The following PLCB1 variants were observed in gnomAD, a reference collection of about 807,000 sequenced individuals.
PLCB1 encodes 1-phosphatidylinositol 4,5-bisphosphate phosphodiesterase beta-1.
In PLCB1, 46 loss-of-function variants were observed where a neutral mutation model predicts 161.8. That is an observed-to-expected ratio of 0.28 (90% CI 0.22 to 0.36). The LOEUF (loss-of-function observed/expected upper bound fraction) is 0.36, where lower values mean the gene tolerates loss of function less well. Among genes scored for constraint, PLCB1 ranks in the 10% least tolerant of loss-of-function variants. PLCB1 has a pLI of 1.00. For synonymous variants in PLCB1, 517 were observed against 503.7 expected (o/e 1.03, Z -0.35); for missense variants, 1,016 against 1,472.5 (o/e 0.69, Z 5.07).
At chr20:8,381,954 C>G (rs965095000) in intron 3 of PLCB1, among the ~76,000 whole-genome samples, 6 of 152,144 alleles carry the variant, frequency 3.9e-5, no homozygotes, top group Non-Finnish European at 8.8e-5. Context: ...CTATCTCCTT[C>G]AGGTCTGCCC....
At chr20:8,429,833 T>C (rs1316152292) in intron 3 of PLCB1, among the ~76,000 whole-genome samples, 1 of 152,060 alleles carries the variant, frequency 6.6e-6, no homozygotes, top group Non-Finnish European at 1.5e-5. Flanking sequence ...TATATTACCC[T>C]GTTTATTAAT....
chr20:8,292,399 G>A (rs965152824), intron 2 of PLCB1, among the ~76,000 whole-genome samples: 5 of 152,106 alleles, frequency 3.3e-5, no homozygotes, highest in Non-Finnish European at 7.4e-5. Context: ...TAAGAAAAGG[G>A]TCTCAAGAAG....
chr20:8,642,293 G>A lies in PLCB1; in HGVS notation c.385-3809G>A, dbSNP rs562445135. On this transcript the variant is annotated intron_variant, in intron 4 of 31. Transcript: ENST00000338037. ...AGATGTTCAGTATAGTATCAAAAGT[G>A]CAGTCAGTTATCAGATAGTCCTTTC... 3.9e-5 allele frequency among the ~76,000 whole-genome samples: 6 copies of A among 152,222 alleles called. No homozygotes were observed. In the South Asian group the frequency reaches 1.0e-3, roughly 26 times the overall value.
chr20:8,306,480 G>C lies in PLCB1; in HGVS notation c.178-64902G>C, dbSNP rs537271892. On this transcript the variant is annotated intron_variant, in intron 2 of 31. Transcript: ENST00000338037. Reference sequence around the variant, plus strand: ...TACTTAAGTTTTGGATTGACTCCTAGATCGGCTTCTCACTTTGGGCAAGCT... The same window carrying C: ...TACTTAAGTTTTGGATTGACTCCTACATCGGCTTCTCACTTTGGGCAAGCT... 3 of 152,334 alleles carry C rather than the reference G, an allele frequency of 2.0e-5. No individual in the cohort carries two copies. In the East Asian group the frequency reaches 5.8e-4, roughly 29 times the overall value. The allele number at this position is 152,334 out of a possible 1,614,324, so 9.4% of individuals were successfully genotyped here. A position where few individuals can be genotyped will look rare whatever the true frequency, so the allele number is the denominator to read the frequency against.
intron 1 of PLCB1, among the ~76,000 whole-genome samples, chr20:8,143,406 A>G (rs1306377011): frequency 6.6e-6 from 1 of 152,156 alleles, no homozygotes; most frequent in African/African-American, 2.4e-5. Context: ...TCATCCATTC[A>G]TTCACCAGTC....
Position 8,759,896 on chromosome 20 carries a change from A to ATTTTTTTT in PLCB1, c.2657-496_2657-489dup, listed in dbSNP as rs3033840. Among the ~76,000 whole-genome samples the ATTTTTTTT allele has an allele frequency of 4.2e-3, 325 of 78,258 alleles. 26 individuals are homozygous for ATTTTTTTT. The highest frequency in any genetic ancestry group is 0.027 in the Middle Eastern group (2 of 74). The allele number at this position is 78,258 out of a possible 152,430, so 51.3% of individuals were successfully genotyped here. On this transcript the variant is annotated intron_variant, in intron 24 of 31. Coordinates refer to ENST00000338037, the MANE Select transcript of PLCB1 (RefSeq NM_015192.4). The stretch of plus-strand genomic sequence containing the variant: ...TTATAAATGGGGCATATAATATCAC[A>ATTTTTTTT]TTTTTTTTTTTTTTTTTTTTTTGGA...
At chr20:8,692,778 C>T (rs986798676) in intron 10 of PLCB1, among the ~76,000 whole-genome samples, 2 of 152,084 alleles carry the variant, frequency 1.3e-5, no homozygotes, top group African/African-American at 4.8e-5. Context: ...AAGGACATGG[C>T]GAAAGTTCTT....
chr20:8,326,406 A>T (rs955816182), intron 2 of PLCB1, among the ~76,000 whole-genome samples: 1 of 152,226 alleles, frequency 6.6e-6, no homozygotes, highest in African/African-American at 2.4e-5. Context: ...ACAGCACAGC[A>T]CAAGCTGAAG....
At chr20:8,749,254 G>A (rs1176707487) in intron 23 of PLCB1, among the ~76,000 whole-genome samples, 1 of 152,178 alleles carries the variant, frequency 6.6e-6, no homozygotes, top group East Asian at 1.9e-4. Context: ...AGCTGATGCT[G>A]GTCTGGGGAC....
intron 2 of PLCB1, among the ~76,000 whole-genome samples, chr20:8,165,411 G>A (rs2051665046): frequency 6.6e-6 from 1 of 152,116 alleles, no homozygotes; most frequent in African/African-American, 2.4e-5. Flanking sequence ...GGAAACTGAG[G>A]CTATGGAGAG....
At chr20:8,760,107 T>C (rs1240970580) in intron 24 of PLCB1, among the ~76,000 whole-genome samples, 1 of 151,900 alleles carries the variant, frequency 6.6e-6, no homozygotes, top group Non-Finnish European at 1.5e-5. Context: ...GGTTTCACCA[T>C]ATTGCCAGGC....
chr20:8,848,460 C>A (rs922017464), intron 31 of PLCB1, among the ~76,000 whole-genome samples: 5 of 152,030 alleles, frequency 3.3e-5, no homozygotes, highest in African/African-American at 1.2e-4. Flanking sequence ...TCTAAATCTA[C>A]TTATTAACAT....
intron 31 of PLCB1, among the ~76,000 whole-genome samples, chr20:8,808,520 T>C (rs1029470646): frequency 1.3e-5 from 2 of 152,218 alleles, no homozygotes; most frequent in African/African-American, 2.4e-5. Flanking sequence ...GGCTTTGATA[T>C]ATGAATTTGG....
intron 3 of PLCB1, among the ~76,000 whole-genome samples, chr20:8,557,662 T>C (rs780709252): frequency 1.1e-4 from 17 of 151,966 alleles, no homozygotes; most frequent in Non-Finnish European, 2.1e-4. Flanking sequence ...ATTTAGTTAA[T>C]GTCACTCAAC....
At chr20:8,872,137 A>G (rs1471506560) in intron 31 of PLCB1, among the ~76,000 whole-genome samples, 12 of 152,108 alleles carry the variant, frequency 7.9e-5, no homozygotes, top group Admixed American at 7.9e-4. Flanking sequence ...AACAGGTTCT[A>G]TTGCTAGTTG....
chr20:8,638,615 C>T (rs1280651347), intron 4 of PLCB1, among the ~76,000 whole-genome samples: 1 of 152,066 alleles, frequency 6.6e-6, no homozygotes, highest in Non-Finnish European at 1.5e-5. Context: ...TGTCAAGAAA[C>T]AGAACTAGGA....
chr20:8,807,100 G>A (rs147172224), intron 31 of PLCB1, among the ~76,000 whole-genome samples: 77 of 152,276 alleles, frequency 5.1e-4, no homozygotes, highest in South Asian at 4.8e-3. Flanking sequence ...AGAGGGTTGC[G>A]TATGTCTGAG....
intron 2 of PLCB1, among the ~76,000 whole-genome samples, chr20:8,176,063 T>C (rs1485021599): frequency 6.6e-6 from 1 of 152,164 alleles, no homozygotes; most frequent in Admixed American, 6.5e-5. Flanking sequence ...AGATCAATGG[T>C]AGGTTAAACA....
chr20:8,550,460 C>T (rs1489171742), intron 3 of PLCB1, among the ~76,000 whole-genome samples: 1 of 152,150 alleles, frequency 6.6e-6, no homozygotes, highest in East Asian at 1.9e-4. Flanking sequence ...AGGGCTTCCC[C>T]CTTCCCTCGG....
Sources: gnomAD v4.1 joint callset for allele counts (sites outside exome capture counted in the v4.1 genomes callset) on GRCh38, gnomAD v4.1.1 for gene constraint, MANE v1.5 for transcripts, NCBI Gene and HGNC (gene_info 2026-07-23, HGNC 2026-07-21) for gene names.